Variants in SYT9 observed in about 807,000 individuals in gnomAD.
The protein encoded by SYT9 is synaptotagmin 9, also known as synaptotagmin-9.
SYT9 carries 22 observed loss-of-function variants against 48.4 expected under a neutral mutation model. The observed-to-expected ratio is 0.45, with a 90% CI of 0.32 to 0.65. The LOEUF (loss-of-function observed/expected upper bound fraction) is 0.65. SYT9 is among the 30% of genes least tolerant of loss of function. SYT9 has a pLI of 0.03. For synonymous variants in SYT9, 265 were observed against 245.0 expected (o/e 1.08, Z -0.76); for missense variants, 577 against 622.0 (o/e 0.93, Z 0.77).
intron 1 of SYT9, among the ~76,000 whole-genome samples, chr11:7,285,598 CT>C (rs1848581595): frequency 6.6e-6 from 1 of 152,168 alleles, no homozygotes; most frequent in Admixed American, 6.5e-5. Context: ...CAATCATGCC[CT>C]TCCAACAGTT....
intron 6 of SYT9, among the ~76,000 whole-genome samples, chr11:7,428,602 T>C (rs1847510603): frequency 6.6e-6 from 1 of 152,238 alleles, no homozygotes; most frequent in Admixed American, 6.5e-5. Flanking sequence ...GATATGAATC[T>C]TTCAGAAGAC....
At chr11:7,409,416 C>G (rs900800945) in intron 3 of SYT9, among the ~76,000 whole-genome samples, 3 of 152,116 alleles carry the variant, frequency 2.0e-5, no homozygotes, top group South Asian at 2.1e-4. Context: ...TTTCCACTTT[C>G]GTTTTCTGAA....
intron 6 of SYT9, among the ~76,000 whole-genome samples, chr11:7,442,700 G>C (rs1335203260): frequency 2.6e-5 from 4 of 152,104 alleles, no homozygotes; most frequent in African/African-American, 9.7e-5. Flanking sequence ...TGGGTTCCTT[G>C]ACCCAATGAC....
chr11:7,396,308 A>G (rs970554455), intron 3 of SYT9, among the ~76,000 whole-genome samples: 1 of 152,112 alleles, frequency 6.6e-6, no homozygotes, highest in Non-Finnish European at 1.5e-5. Context: ...TGATGTAAGT[A>G]TCATATAGTG....
At chr11:7,413,682 T>C (rs916514067) in intron 3 of SYT9, among the ~76,000 whole-genome samples, 20 of 152,208 alleles carry the variant, frequency 1.3e-4, no homozygotes, top group African/African-American at 4.3e-4. Flanking sequence ...AGATGATCTA[T>C]TCCAAGTGTG....
At chr11:7,338,326 A>C (rs1849662102) in intron 3 of SYT9, among the ~76,000 whole-genome samples, 1 of 152,022 alleles carries the variant, frequency 6.6e-6, no homozygotes. Context: ...TGATCTTTTG[A>C]ATGATTTTTC....
rs138186509 is a variant in SYT9, at chr11:7,466,321, A to T, written c.1468-471A>T. Among the ~76,000 whole-genome samples the T allele has an allele frequency of 1.3e-3, 192 of 152,272 alleles. 1 individual carries two copies. The highest frequency in any genetic ancestry group is 4.5e-3 in the African/African-American group (189 of 41,540). ...TATTCTATGCAGCTTCTCACATCATAATATCTCCATCTGTGAGCCCTTTGA... is the reference window on the plus strand; with the variant it reads ...TATTCTATGCAGCTTCTCACATCATTATATCTCCATCTGTGAGCCCTTTGA... On this transcript the variant is annotated intron_variant, in intron 6 of 6. Coordinates refer to ENST00000318881, the MANE Select transcript of SYT9 (RefSeq NM_175733.4).
chr11:7,265,561 C>T (rs1000438908), intron 1 of SYT9, among the ~76,000 whole-genome samples: 1 of 152,104 alleles, frequency 6.6e-6, no homozygotes, highest in Non-Finnish European at 1.5e-5. Context: ...TTACTTTTTA[C>T]AGCCCCTTGG....
At chr11:7,297,558 G>T (rs779538514) in intron 1 of SYT9, among the ~76,000 whole-genome samples, 2 of 152,210 alleles carry the variant, frequency 1.3e-5, no homozygotes, top group African/African-American at 2.4e-5. Context: ...ACCCAATCAC[G>T]TAGCTGGTCC....
intron 1 of SYT9, among the ~76,000 whole-genome samples, chr11:7,259,611 T>C (rs1848041239): frequency 6.6e-6 from 1 of 152,152 alleles, no homozygotes; most frequent in African/African-American, 2.4e-5. Context: ...GTTGTTTCAA[T>C]TTGTGTTTTT....
chr11:7,357,925 A>G (rs1850053010), intron 3 of SYT9, among the ~76,000 whole-genome samples: 1 of 152,148 alleles, frequency 6.6e-6, no homozygotes, highest in Non-Finnish European at 1.5e-5. Flanking sequence ...CATTGATTTA[A>G]GTGCTCATTA....
At chr11:7,295,666 T>G (rs189086659) in intron 1 of SYT9, among the ~76,000 whole-genome samples, 2 of 152,290 alleles carry the variant, frequency 1.3e-5, no homozygotes, top group African/African-American at 2.4e-5. Flanking sequence ...TCAAAACTGC[T>G]TTCATATTTT....
intron 3 of SYT9, among the ~76,000 whole-genome samples, chr11:7,344,208 C>T (rs1243193023): frequency 6.6e-6 from 1 of 152,186 alleles, no homozygotes; most frequent in Admixed American, 6.5e-5. Flanking sequence ...AGGCATGCAG[C>T]CCAGTTCCCC....
rs1847885950 is a variant in SYT9 at position 7,252,289 on chromosome 11, T to TACC, written c.107_109dup (p.His36dup). 6.6e-7 allele frequency: 1 copy of TACC among 1,513,898 alleles called. No individual in the cohort carries two copies. Among genetic ancestry groups the TACC allele is most frequent in the African/African-American group, 1.4e-5 (1 of 69,584 alleles). The allele number at this position is 1,513,898 out of a possible 1,614,324, so 93.8% of individuals were successfully genotyped here. On this transcript the variant is annotated inframe_insertion, in exon 1 of 7. Coordinates refer to ENST00000318881, the MANE Select transcript of SYT9 (RefSeq NM_175733.4). The surrounding 1 kb of genome is among the most constrained non-coding windows in gnomAD (Gnocchi z 6.3). ...GCACGACAGCTGCCAGGATTTCATT[T>TACC]ACCACCTGCGGGACCGTGCCAGACC...
rs534277069 is a variant in SYT9 at position 7,455,126 on chromosome 11, A to C, written c.1468-11666A>C. Among the ~76,000 whole-genome samples the C allele has an allele frequency of 3.9e-5, 6 of 152,278 alleles. No individual in the cohort carries two copies. In the South Asian group the frequency reaches 1.2e-3, roughly 32 times the overall value. On this transcript the variant is annotated intron_variant, in intron 6 of 6. Transcript: ENST00000318881. ...TATCAATAAAAGCCTCTAAACCTTT[A>C]AGGATAAAAGAAAGTTTCTTATCTT... is the stretch of plus-strand genomic sequence containing the variant.
At chr11:7,402,731 G>T (rs1846918275) in intron 3 of SYT9, among the ~76,000 whole-genome samples, 1 of 151,902 alleles carries the variant, frequency 6.6e-6, no homozygotes, top group Admixed American at 6.6e-5. Flanking sequence ...TTTTAAGTAG[G>T]TTTTTTGTAG....
At chr11:7,323,026 TTG>T (rs1284436205) in intron 3 of SYT9, among the ~76,000 whole-genome samples, 1 of 152,190 alleles carries the variant, frequency 6.6e-6, no homozygotes, top group Non-Finnish European at 1.5e-5. Context: ...TTCTTTTTTG[TTG>T]TTTTGCAGCA....
At chr11:7,439,356 AGT>A (rs1243263227) in intron 6 of SYT9, 6 of 152,258 alleles carry the variant, frequency 3.9e-5, no homozygotes, top group African/African-American at 1.4e-4. Flanking sequence ...GGCTGAGGAA[AGT>A]GTCAGAGCCA....
rs151321276 is a variant in SYT9 at position 7,297,376 on chromosome 11, T to C, written c.146-5663T>C. Among the ~76,000 whole-genome samples the C allele has an allele frequency of 3.6e-3, 548 of 152,352 alleles. 5 individuals carry two copies. Among genetic ancestry groups the C allele is most frequent in the African/African-American group, 0.013 (540 of 41,578 alleles). On this transcript the variant is annotated intron_variant, in intron 1 of 6. Coordinates refer to ENST00000318881, the MANE Select transcript of SYT9 (RefSeq NM_175733.4). ...ATAGTCAATGTTATTTTACCTATAATGTGAAGCAAATTGTGACATATCATT... is the reference window on the plus strand; with the variant it reads ...ATAGTCAATGTTATTTTACCTATAACGTGAAGCAAATTGTGACATATCATT...
Sources: gnomAD v4.1 joint callset for allele counts (sites outside exome capture counted in the v4.1 genomes callset) on GRCh38, gnomAD v4.1.1 for gene constraint, Gnocchi (gnomAD v3.1) non-coding constraint, MANE v1.5 for transcripts, NCBI Gene and HGNC (gene_info 2026-07-23, HGNC 2026-07-21) for gene names.